The following TFDP2 variants were observed in gnomAD, a reference collection of about 807,000 sequenced individuals.
The protein encoded by TFDP2 is transcription factor Dp-2, also known as transcription factor Dp-2 (E2F dimerization partner 2).
TFDP2 carries 17 observed loss-of-function variants against 59.3 expected under a neutral mutation model. The ratio of observed to expected loss-of-function variants is 0.29; its 90% CI spans 0.20 to 0.43. The LOEUF is 0.43. TFDP2 is among the 20% of genes least tolerant of loss of function. The pLI is 1.00. For synonymous variants in TFDP2, 180 were observed against 194.7 expected (o/e 0.92, Z 0.63); for missense variants, 391 against 528.8 (o/e 0.74, Z 2.56).
At chr3:142,088,128 G>C (rs1384184356) in intron 3 of TFDP2, among the ~76,000 whole-genome samples, 1 of 152,140 alleles carries the variant, frequency 6.6e-6, no homozygotes, top group Non-Finnish European at 1.5e-5. Flanking sequence ...TTAGCACCTA[G>C]AAAAATGCCT....
chr3:141,998,901 T>C (rs1943523881), intron 4 of TFDP2, among the ~76,000 whole-genome samples: 1 of 152,152 alleles, frequency 6.6e-6, no homozygotes, highest in African/African-American at 2.4e-5. Flanking sequence ...AGACAGCATA[T>C]GTATTCTAAA....
At chr3:142,110,390 G>C (rs2061612029) in intron 1 of TFDP2, among the ~76,000 whole-genome samples, 1 of 151,992 alleles carries the variant, frequency 6.6e-6, no homozygotes, top group South Asian at 2.1e-4. Flanking sequence ...TATAATCCCA[G>C]CTACTTGGGA....
chr3:141,969,447 C>A (rs1939368583), intron 9 of TFDP2, among the ~76,000 whole-genome samples: 1 of 150,766 alleles, frequency 6.6e-6, no homozygotes, highest in South Asian at 2.1e-4. Context: ...CCCGTCTCTA[C>A]TAAAAATACG....
chr3:142,001,487 G>A (rs1943762681), intron 4 of TFDP2, among the ~76,000 whole-genome samples: 1 of 152,120 alleles, frequency 6.6e-6, no homozygotes, highest in Admixed American at 6.5e-5. Flanking sequence ...GGTAATCACT[G>A]AAATGCTATG....
At chr3:142,088,829 T>A (rs1317045398) in intron 3 of TFDP2, among the ~76,000 whole-genome samples, 1 of 151,448 alleles carries the variant, frequency 6.6e-6, no homozygotes, top group Non-Finnish European at 1.5e-5. Flanking sequence ...CTCCTGGATT[T>A]AATATCTTTT....
At chr3:141,967,002 C>T (rs1027576752) in intron 9 of TFDP2, among the ~76,000 whole-genome samples, 9 of 151,070 alleles carry the variant, frequency 6.0e-5, no homozygotes, top group Admixed American at 2.6e-4. Flanking sequence ...CTGCAACCTC[C>T]GCCTCCCGGG....
At chr3:141,966,000 G>A (rs1937985888) in intron 9 of TFDP2, among the ~76,000 whole-genome samples, 2 of 148,262 alleles carry the variant, frequency 1.3e-5, no homozygotes, top group African/African-American at 4.9e-5. Flanking sequence ...TGCCTAACTT[G>A]GTGTCTGTCC....
intron 6 of TFDP2, among the ~76,000 whole-genome samples, chr3:141,992,492 C>T (rs528029307): frequency 6.6e-6 from 1 of 152,302 alleles, no homozygotes; most frequent in South Asian, 2.1e-4. Context: ...ATTTTAAGGC[C>T]TTAAACATTG....
chr3:142,104,269 G>A (rs2108653777), intron 1 of TFDP2, among the ~76,000 whole-genome samples: 1 of 152,190 alleles, frequency 6.6e-6, no homozygotes, highest in East Asian at 1.9e-4. Flanking sequence ...TTAAATGTAA[G>A]ATAAATAATA....
chr3:141,977,091 T>TAGATAGATAGATAGATAGATAGATAG lies in TFDP2; in HGVS notation c.519+1428_519+1429insCTATCTATCTATCTATCTATCTATCT, dbSNP rs1553763125. On this transcript the variant is annotated intron_variant, in intron 7 of 12. Transcript: ENST00000489671. Reference sequence around the variant, plus strand: ...TGCTCTAGAGAAACAGTCATAGCCATATATATATATATATATTTTTTTTTT... The same window carrying TAGATAGATAGATAGATAGATAGATAG: ...TGCTCTAGAGAAACAGTCATAGCCATAGATAGATAGATAGATAGATAGATAGATATATATATATATATTTTTTTTTT... 4.2e-4 allele frequency among the ~76,000 whole-genome samples: 43 copies of TAGATAGATAGATAGATAGATAGATAG among 102,234 alleles called. 2 individuals carry two copies. The highest frequency in any genetic ancestry group is 9.3e-4 in the East Asian group (4 of 4,300). The allele number at this position is 102,234 out of a possible 152,430, so 67.1% of individuals were successfully genotyped here.
chr3:142,011,521 C>T (rs1944684349), intron 3 of TFDP2, among the ~76,000 whole-genome samples: 1 of 124,406 alleles, frequency 8.0e-6, no homozygotes, highest in East Asian at 2.4e-4. Flanking sequence ...AGCGCACCAG[C>T]ATGGCACATG....
At chr3:141,982,908 T>C (rs543589086) in intron 6 of TFDP2, among the ~76,000 whole-genome samples, 49 of 152,346 alleles carry the variant, frequency 3.2e-4, no homozygotes, top group African/African-American at 1.2e-3. Context: ...TTGAGCAGTT[T>C]ACTCGATTTA....
rs1227917380 is a variant in TFDP2 at position 141,992,032 on chromosome 3, AC to A, written c.356+1505del. Among the ~76,000 whole-genome samples the A allele has an allele frequency of 2.8e-5, 4 of 144,628 alleles. No individual in the cohort carries two copies. In the South Asian group the frequency reaches 8.9e-4, roughly 32 times the overall value. The allele number at this position is 144,628 out of a possible 152,430, so 94.9% of individuals were successfully genotyped here. A position where few individuals can be genotyped will look rare whatever the true frequency, so the allele number is the denominator to read the frequency against. The stretch of plus-strand genomic sequence containing the variant: ...ACTCCAGCTTGGGAGACAGAGGAAG[AC>A]TCCATCTCAAAAAAAAAAAAAAAGA... On this transcript the variant is annotated intron_variant, in intron 6 of 12. Transcript: ENST00000489671.
intron 3 of TFDP2, among the ~76,000 whole-genome samples, chr3:142,076,414 T>C (rs377626781): frequency 5.9e-5 from 9 of 152,158 alleles, no homozygotes; most frequent in African/African-American, 1.9e-4. Context: ...AATGGATAGG[T>C]AAATTGTAAT....
chr3:142,088,537 C>T (rs1361747963), intron 3 of TFDP2, among the ~76,000 whole-genome samples: 1 of 151,498 alleles, frequency 6.6e-6, no homozygotes, highest in African/African-American at 2.4e-5. Context: ...CATCATGCTG[C>T]CTAGGCTGGG....
chr3:141,999,372 A>G (rs1228082638), intron 4 of TFDP2, among the ~76,000 whole-genome samples: 2 of 152,246 alleles, frequency 1.3e-5, no homozygotes, highest in African/African-American at 4.8e-5. Flanking sequence ...ATGTTATAGT[A>G]AGGCTTCTAG....
intron 1 of TFDP2, among the ~76,000 whole-genome samples, chr3:142,109,012 T>C (rs1018448077): frequency 2.6e-5 from 4 of 152,222 alleles, no homozygotes; most frequent in Non-Finnish European, 4.4e-5. Flanking sequence ...GCTCTCCTAC[T>C]TTCTCCTTTA....
At chr3:141,958,985 A>C (rs1576456512) in intron 11 of TFDP2, among the ~76,000 whole-genome samples, 1 of 110,372 alleles carries the variant, frequency 9.1e-6, no homozygotes, top group Non-Finnish European at 1.7e-5. Flanking sequence ...ACAGAGTTTC[A>C]CTCTTCTTGC....
At chr3:142,148,897 A>G (rs1439883223) in intron 1 of TFDP2, among the ~76,000 whole-genome samples, 1 of 152,244 alleles carries the variant, frequency 6.6e-6, no homozygotes, top group African/African-American at 2.4e-5. Flanking sequence ...AGAGAACGAG[A>G]AAGTAGAAAG....
Sources: gnomAD v4.1 joint callset for allele counts (sites outside exome capture counted in the v4.1 genomes callset) on GRCh38, gnomAD v4.1.1 for gene constraint, MANE v1.5 for transcripts, NCBI Gene and HGNC (gene_info 2026-07-23, HGNC 2026-07-21) for gene names.